Variants in TENM3 observed in about 807,000 individuals in gnomAD.
TENM3 encodes the protein teneurin-3.
In TENM3, 63 loss-of-function variants were observed where a neutral mutation model predicts 255.1. The ratio of observed to expected loss-of-function variants is 0.25; its 90% CI spans 0.20 to 0.30. The LOEUF (loss-of-function observed/expected upper bound fraction) is 0.30. Among genes scored for constraint, TENM3 ranks in the 10% least tolerant of loss-of-function variants. TENM3 has a pLI of 1.00. For missense variants in TENM3, 2,929 were observed against 3,461.1 expected, an observed-to-expected ratio of 0.85 and a Z score of 3.86; for synonymous variants, 1,306 against 1,322.3, an observed-to-expected ratio of 0.99 and a Z score of 0.27.
At chr4:181,707,580 G>C in the TENM3 span, among the ~76,000 whole-genome samples, 1 of 152,114 alleles carries the variant, frequency 6.6e-6, no homozygotes. Flanking sequence ...TTTTGTCAGT[G>C]GCCATACTTG....
Position 182,560,905 on chromosome 4 carries a change from T to G in TENM3, c.512-40019T>G, listed in dbSNP as rs536348392. Among the ~76,000 whole-genome samples the G allele has an allele frequency of 3.3e-5, 5 of 152,344 alleles. No homozygotes were observed. In the South Asian group the frequency reaches 1.0e-3, roughly 32 times the overall value. ...TGTTTTAGAGATAGTCTCTATTTGG[T>G]GTAAGGTCTGAGTGTTGACATATGT... On this transcript the variant is annotated intron_variant, in intron 3 of 27. Transcript: ENST00000511685.
In TENM3 at chr4:182,161,627, A is replaced by AC. The variant is rs1561152426; in HGVS notation, c.-76+16873_-76+16874insC. On this transcript the variant is annotated intron_variant, in intron 1 of 2. Transcript: ENST00000512480. Reference sequence around the variant, plus strand: ...TATATATATATGTATATATATATACAAATATATATATGTATATATATATAT... The same window carrying AC: ...TATATATATATGTATATATATATACACAATATATATATGTATATATATATAT... Among the ~76,000 whole-genome samples, 21 of 100,130 alleles carry AC rather than the reference A, an allele frequency of 2.1e-4. No individual in the cohort carries two copies. The East Asian group carries it at 9.5e-3, about 45-fold the overall frequency. The allele number at this position is 100,130 out of a possible 152,430, so 65.7% of individuals were successfully genotyped here. A position where few individuals can be genotyped will look rare whatever the true frequency, so the allele number is the denominator to read the frequency against.
intron 3 of TENM3, among the ~76,000 whole-genome samples, chr4:182,498,441 C>G (rs1441165067): frequency 6.6e-6 from 1 of 152,134 alleles, no homozygotes; most frequent in Non-Finnish European, 1.5e-5. Flanking sequence ...ACGATCCATT[C>G]CCATCACTCT....
At chr4:182,043,596 C>T in the TENM3 span, among the ~76,000 whole-genome samples, 3 of 152,162 alleles carry the variant, frequency 2.0e-5, no homozygotes, top group Non-Finnish European at 4.4e-5. Flanking sequence ...AAACCTATCT[C>T]TCTGTCTAGT....
chr4:182,487,961 G>A (rs186056200), intron 3 of TENM3, among the ~76,000 whole-genome samples: 5 of 152,282 alleles, frequency 3.3e-5, no homozygotes, highest in African/African-American at 7.2e-5. Context: ...AGGAAGTTAT[G>A]TATGGCAATA....
At chr4:182,769,189 G>C (rs1763965483) in intron 22 of TENM3, among the ~76,000 whole-genome samples, 1 of 152,176 alleles carries the variant, frequency 6.6e-6, no homozygotes, top group Non-Finnish European at 1.5e-5. Context: ...TGGAGTCAGA[G>C]TATTTCAGAG....
chr4:182,169,225 C>T lies in TENM3; in HGVS notation c.-76+24471C>T, dbSNP rs1034187350. 9.6e-5 allele frequency: 45 copies of T among 467,286 alleles called. No individual in the cohort carries two copies. The Admixed American group carries it at 1.0e-3, about 11-fold the overall frequency. 28.9% of individuals were successfully genotyped at this position (467,286 alleles called of 1,614,324 possible). ...GTGATTTTTGAAGCCTGCAGTCTGG[C>T]GAGTCAGGTTGGTTCTGTTCCTTTA... is the stretch of plus-strand genomic sequence containing the variant. On this transcript the variant is annotated intron_variant, in intron 1 of 2. Coordinates refer to the TENM3 transcript ENST00000512480.
chr4:181,773,654 C>T, the TENM3 span, among the ~76,000 whole-genome samples: 2 of 152,294 alleles, frequency 1.3e-5, no homozygotes, highest in East Asian at 3.9e-4. Context: ...CACTGTGACC[C>T]TGAAACAAAT....
At chr4:182,325,096 T>G (rs182841779) in intron 2 of TENM3, among the ~76,000 whole-genome samples, 1 of 152,354 alleles carries the variant, frequency 6.6e-6, no homozygotes, top group African/African-American at 2.4e-5. Flanking sequence ...ATTTGTAATG[T>G]GCAGTATAAT....
At chr4:182,080,148 A>G in the TENM3 span, among the ~76,000 whole-genome samples, 2 of 152,230 alleles carry the variant, frequency 1.3e-5, no homozygotes, top group East Asian at 3.8e-4. Context: ...ATCCTCGATC[A>G]CCTCTGCCTA....
At chr4:182,072,080 G>T in the TENM3 span, among the ~76,000 whole-genome samples, 72 of 152,286 alleles carry the variant, frequency 4.7e-4, no homozygotes, top group Non-Finnish European at 1.8e-4. Context: ...CCCATACATG[G>T]CTTGAAGCCA....
the TENM3 span, among the ~76,000 whole-genome samples, chr4:182,051,535 G>A: frequency 2.0e-5 from 3 of 151,612 alleles, no homozygotes; most frequent in Admixed American, 6.6e-5. Flanking sequence ...CTGCCACCGC[G>A]CTCGGCTAAT....
chr4:182,745,251 C>G (rs1761922018), intron 19 of TENM3, among the ~76,000 whole-genome samples: 1 of 152,172 alleles, frequency 6.6e-6, no homozygotes, highest in Non-Finnish European at 1.5e-5. Flanking sequence ...CCTGAGATCC[C>G]CTATTGATCT....
chr4:181,459,241 A>G, the TENM3 span, among the ~76,000 whole-genome samples: 1 of 151,900 alleles, frequency 6.6e-6, no homozygotes, highest in African/African-American at 2.4e-5. Context: ...CATTTAAAAA[A>G]TATATTAATA....
chr4:181,989,461 T>A, the TENM3 span, among the ~76,000 whole-genome samples: 4 of 152,086 alleles, frequency 2.6e-5, no homozygotes, highest in African/African-American at 9.7e-5. Flanking sequence ...TAAAAAAAAA[T>A]CTTTAGAAAT....
intron 1 of TENM3, among the ~76,000 whole-genome samples, chr4:182,159,611 T>C (rs759910558): frequency 5.3e-5 from 8 of 152,270 alleles, no homozygotes; most frequent in Admixed American, 5.2e-4. Context: ...ACCTAGAATC[T>C]TACTTTTAAT....
chr4:182,139,409 T>C (rs1039972230), upstream of TENM3, among the ~76,000 whole-genome samples: 1 of 152,216 alleles, frequency 6.6e-6, no homozygotes, highest in African/African-American at 2.4e-5. Context: ...ATTTTTAACC[T>C]ATATTTACAA....
intron 6 of TENM3, among the ~76,000 whole-genome samples, chr4:182,660,366 A>C (rs1332517805): frequency 6.6e-6 from 1 of 152,234 alleles, no homozygotes; most frequent in Non-Finnish European, 1.5e-5. Flanking sequence ...ATAGTGGCTA[A>C]GAACTGAAGC....
chr4:182,522,140 T>C (rs1171281444), intron 3 of TENM3, among the ~76,000 whole-genome samples: 2 of 152,210 alleles, frequency 1.3e-5, no homozygotes, highest in South Asian at 2.1e-4. Flanking sequence ...ATCAGGGTAA[T>C]TGGGATATCC....
Sources: allele counts gnomAD v4.1 joint callset (sites outside exome capture counted in the v4.1 genomes callset), GRCh38; gene constraint gnomAD v4.1.1; transcripts MANE v1.5; gene names NCBI Gene and HGNC (gene_info 2026-07-23, HGNC 2026-07-21).